The following SMTN variants were observed in gnomAD, a reference collection of about 807,000 sequenced individuals.
SMTN encodes the protein smoothelin.
Under a neutral mutation model 102.0 loss-of-function variants are expected in SMTN, and 58 were observed. The observed-to-expected ratio is 0.57, with a 90% CI of 0.46 to 0.71. The LOEUF (loss-of-function observed/expected upper bound fraction) is 0.71, where lower values mean the gene tolerates loss of function less well. Among genes scored for constraint, SMTN ranks in the 30% least tolerant of loss-of-function variants. The pLI is 0.00. For synonymous variants in SMTN, 478 were observed against 497.9 expected (o/e 0.96, Z 0.53); for missense variants, 1,185 against 1,241.7 (o/e 0.95, Z 0.69).
chr22:31,100,338 G>A (rs2043973476), intron 19 of SMTN, among the ~76,000 whole-genome samples: 1 of 152,084 alleles, frequency 6.6e-6, no homozygotes, highest in African/African-American at 2.4e-5. Flanking sequence ...GCTTATATAG[G>A]ACCTCAGCAA....
chr22:31,098,234 TCA>T (rs1393671081), intron 16 of SMTN, among the ~76,000 whole-genome samples: 3 of 152,222 alleles, frequency 2.0e-5, no homozygotes, highest in African/African-American at 7.2e-5. Context: ...GCCAGAGGTC[TCA>T]GTTTCCTCAC....
intron 18 of SMTN, chr22:31,099,405 C>CAAGGTTCA: frequency 1.7e-6 from 1 of 592,706 alleles, no homozygotes; most frequent in South Asian, 2.1e-5. Context: ...GGGTGGTGGG[C>CAAGGTTCA]AGGGTTCAAG....
chr22:31,064,376 T>G (rs1653866033), intron 1 of SMTN: 2 of 152,214 alleles, frequency 1.3e-5, no homozygotes, highest in South Asian at 4.1e-4. Flanking sequence ...GAGAATCATC[T>G]GGAACGTACA....
In SMTN at chr22:31,099,109, G is replaced by A. The variant is rs773562637; in HGVS notation, c.2381G>A (p.Gly794Glu). The change falls in exon 18 of 21, where the codon GGG becomes GAG. Residue 794 changes from glycine (G) to glutamate (E), a missense_variant. Physicochemically the swap from Gly to Glu is moderately conservative, Grantham distance 98. Coordinates refer to ENST00000333137, the MANE Select transcript of SMTN (RefSeq NM_134269.3). The stretch of plus-strand genomic sequence containing the variant: ...GCCGTGCAGCGATCCACCAGCTTCG[G>A]GGTCCCCAACGCCAACAGCATCAAG... The part of the protein sequence containing the change: ...RAAVQRSTSF[G>E]VPNANSIKQM... 49 of 1,613,170 alleles carry A rather than the reference G, an allele frequency of 3.0e-5. No homozygotes were observed. The highest frequency in any genetic ancestry group is 1.6e-4 in the Middle Eastern group (1 of 6,080).
intron 2 of SMTN, chr22:31,085,036 C>G: frequency 6.6e-7 from 1 of 1,510,932 alleles, no homozygotes; most frequent in Non-Finnish European, 8.8e-7. Flanking sequence ...TCGCTTCCGG[C>G]CCCGGCTCCC....
At chr22:31,083,375 G>T in intron 2 of SMTN, 66 bp downstream of exon 2, 1 of 1,467,432 alleles carries the variant, frequency 6.8e-7, no homozygotes. Flanking sequence ...GTCAATCCAG[G>T]GTACCTCTCA....
At chr22:31,082,987 C>G in intron 1 of SMTN, 192 bp from the exon 2 acceptor site, 2 of 1,435,652 alleles carry the variant, frequency 1.4e-6, no homozygotes, top group Non-Finnish European at 1.9e-6. Context: ...ACCAGAGACC[C>G]CCTACCCTGG....
intron 2 of SMTN, among the ~76,000 whole-genome samples, chr22:31,087,640 T>C (rs2042794624): frequency 6.6e-6 from 1 of 152,184 alleles, no homozygotes; most frequent in Non-Finnish European, 1.5e-5. Flanking sequence ...CCCTGACTTT[T>C]GGGGATCTGG....
chr22:31,096,787 G>C lies in SMTN; in HGVS notation c.1916G>C (p.Gly639Ala). The C allele has an allele frequency of 6.4e-7, 1 of 1,567,484 alleles. No homozygotes were observed. Among genetic ancestry groups the C allele is most frequent in the Non-Finnish European group, 8.6e-7 (1 of 1,157,860 alleles). Residue 639 changes from glycine to alanine, a missense_variant, in exon 14 of 21, where the codon GGG becomes GCG. This residue lies in a region of SMTN where 1,096 missense variants were observed against 1,112.7 expected (regional missense o/e 0.98). Coordinates refer to ENST00000333137, the MANE Select transcript of SMTN (RefSeq NM_134269.3). ...CTGCAGGAGGCACGGGGCCGGCCAG[G>C]GGAGGGGCGCGGCAACACAGCCACT... ...RRLQEARGRP[G>A]EGRGNTATET...
intron 2 of SMTN, among the ~76,000 whole-genome samples, chr22:31,084,819 T>G (rs1239450574): frequency 1.3e-5 from 2 of 152,176 alleles, no homozygotes; most frequent in African/African-American, 4.8e-5. Flanking sequence ...CTCGAAGTCT[T>G]TCCGACCCCG....
chr22:31,070,899 G>C (rs1237095785), intron 1 of SMTN, among the ~76,000 whole-genome samples: 3 of 143,884 alleles, frequency 2.1e-5, no homozygotes, highest in Non-Finnish European at 4.5e-5. Flanking sequence ...ACTCCAGCCT[G>C]GGTGACAGAG....
chr22:31,085,152 C>T (rs1390919127), intron 2 of SMTN: 1 of 1,535,526 alleles, frequency 6.5e-7, no homozygotes, highest in Admixed American at 2.0e-5. Flanking sequence ...TGCCTCGGTC[C>T]CGAGTTCGAG....
chr22:31,099,121 C>T lies in SMTN; in HGVS notation c.2393C>T (p.Ala798Val), dbSNP rs1233473445. 1.2e-6 allele frequency: 2 copies of T among 1,613,238 alleles called. No homozygotes were observed. Among genetic ancestry groups the T allele is most frequent in the Non-Finnish European group, 1.7e-6 (2 of 1,179,968 alleles). The change falls in exon 18 of 21, where the codon GCC (alanine) becomes GTC (valine). Residue 798 changes from alanine (A) to valine (V), a missense_variant. Ala to Val is a moderately conservative substitution (Grantham distance 64). Around this residue, in one of 2 missense-constraint regions of SMTN, gnomAD observed 1,096 missense variants for 1,112.7 expected, o/e 0.98. Coordinates refer to ENST00000333137, the MANE Select transcript of SMTN (RefSeq NM_134269.3). The stretch of plus-strand genomic sequence containing the variant: ...TCCACCAGCTTCGGGGTCCCCAACG[C>T]CAACAGCATCAAGCAGATGCTGCTG... ...QRSTSFGVPNANSIKQMLLDW... is the reference protein window; with the variant it reads ...QRSTSFGVPNVNSIKQMLLDW...
chr22:31,093,863 G>T (rs780814225), intron 11 of SMTN: 2 of 1,576,456 alleles, frequency 1.3e-6, no homozygotes, highest in Non-Finnish European at 1.7e-6. Context: ...GGCACCACCC[G>T]CAGCACTAGT....
chr22:31,086,529 C>T (rs1267770684), intron 2 of SMTN, among the ~76,000 whole-genome samples: 1 of 152,192 alleles, frequency 6.6e-6, no homozygotes, highest in East Asian at 1.9e-4. Flanking sequence ...GTCTCTCTCC[C>T]TCCTCCTGAC....
At chr22:31,094,490 G>A (rs969102121) in intron 11 of SMTN, among the ~76,000 whole-genome samples, 6 of 152,164 alleles carry the variant, frequency 3.9e-5, no homozygotes, top group African/African-American at 9.7e-5. Flanking sequence ...CCTAGGCCTC[G>A]GGAACTGGCA....
Position 31,088,081 on chromosome 22 carries a change from C to T in SMTN, c.168C>T (p.Ala56=), listed in dbSNP as rs556279234. The T allele has an allele frequency of 5.0e-5, 81 of 1,608,134 alleles. No individual in the cohort carries two copies. In the South Asian group the frequency reaches 6.7e-4, roughly 13 times the overall value. ...CCCTGGCATCCAAGCGTTTCCGTGCCGAGCGGCAGGACAACAAGGAGAACT... is the reference window on the plus strand; with the variant it reads ...CCCTGGCATCCAAGCGTTTCCGTGCTGAGCGGCAGGACAACAAGGAGAACT... The part of the protein sequence containing the change: ...EEALASKRFR[A]ERQDNKENWL... Residue 56 remains alanine (A), a synonymous_variant, in exon 3 of 21, where the codon GCC becomes GCT. Coordinates refer to ENST00000333137, the MANE Select transcript of SMTN (RefSeq NM_134269.3).
chr22:31,077,811 C>T (rs4423699), upstream of SMTN, among the ~76,000 whole-genome samples: 9 of 152,346 alleles, frequency 5.9e-5, no homozygotes, highest in Middle Eastern at 3.4e-3. Flanking sequence ...GAGAACACAG[C>T]GGCTGGATGA....
At chr22:31,098,954 T>C in intron 17 of SMTN, 108 bp from the exon 18 acceptor site, 1 of 1,539,336 alleles carries the variant, frequency 6.5e-7, no homozygotes, top group Non-Finnish European at 8.9e-7. Context: ...AGATCTGTGG[T>C]GCAAAGGCCC....
Sources: allele counts gnomAD v4.1 joint callset (sites outside exome capture counted in the v4.1 genomes callset), GRCh38; gene constraint gnomAD v4.1.1; regional missense constraint gnomAD v4.1.1; transcripts MANE v1.5; gene names NCBI Gene and HGNC (gene_info 2026-07-23, HGNC 2026-07-21).